PDE11A: variants seen among roughly 807,000 people sequenced by gnomAD.
PDE11A encodes the protein dual 3',5'-cyclic-AMP and -GMP phosphodiesterase 11A.
PDE11A carries 100 observed loss-of-function variants against 100.5 expected under a neutral mutation model. The ratio of observed to expected loss-of-function variants is 1.00; its 90% CI spans 0.85 to 1.18. PDE11A has a LOEUF of 1.18. Ranked by LOEUF, PDE11A falls within the 50% of genes most tolerant of loss-of-function variation. PDE11A has a pLI of 0.00. For missense variants in PDE11A, 1,141 were observed against 1,152.6 expected (o/e 0.99, Z 0.15); for synonymous variants, 381 against 420.8 (o/e 0.91, Z 1.16).
At chr2:178,044,076 T>C (rs1484365789) in intron 1 of PDE11A, among the ~76,000 whole-genome samples, 2 of 152,162 alleles carry the variant, frequency 1.3e-5, no homozygotes, top group Non-Finnish European at 2.9e-5. Context: ...ATTCTTCTTG[T>C]GACCAGTTCA....
At chr2:177,886,976 G>A (rs571720601) in intron 4 of PDE11A, among the ~76,000 whole-genome samples, 5 of 152,268 alleles carry the variant, frequency 3.3e-5, no homozygotes, top group Admixed American at 6.5e-5. Context: ...AGTGATGGTC[G>A]GAATTTCAGC....
chr2:177,988,443 T>C (rs1387348702), intron 2 of PDE11A, among the ~76,000 whole-genome samples: 1 of 152,206 alleles, frequency 6.6e-6, no homozygotes, highest in Non-Finnish European at 1.5e-5. Context: ...CCAAATTGTG[T>C]AGAGGTAAAG....
chr2:177,954,149 TC>T (rs1244990326), intron 2 of PDE11A, among the ~76,000 whole-genome samples: 1 of 151,956 alleles, frequency 6.6e-6, no homozygotes, highest in Non-Finnish European at 1.5e-5. Flanking sequence ...CTATAATGCT[TC>T]CCTGTTTCCT....
At chr2:177,701,910 T>C (rs2081203275) in intron 13 of PDE11A, among the ~76,000 whole-genome samples, 1 of 152,180 alleles carries the variant, frequency 6.6e-6, no homozygotes, top group South Asian at 2.1e-4. Context: ...CTTTGGACGG[T>C]TACTTGGCCT....
At chr2:177,985,011 A>G (rs1032217164) in intron 2 of PDE11A, among the ~76,000 whole-genome samples, 28 of 152,246 alleles carry the variant, frequency 1.8e-4, no homozygotes, top group African/African-American at 6.5e-4. Context: ...CCAGCAGTTC[A>G]TAAAGTAGAA....
chr2:177,782,251 A>G (rs975150406), intron 9 of PDE11A, among the ~76,000 whole-genome samples: 1 of 152,232 alleles, frequency 6.6e-6, no homozygotes, highest in African/African-American at 2.4e-5. Context: ...TATCTGGTGA[A>G]TTAAGATGAC....
At chr2:177,774,804 AT>A (rs1195596444) in intron 9 of PDE11A, among the ~76,000 whole-genome samples, 52 of 152,296 alleles carry the variant, frequency 3.4e-4, no homozygotes, top group African/African-American at 1.2e-3. Flanking sequence ...GATAGACAGA[AT>A]AATGCTCCCC....
chr2:177,657,049 T>C (rs1239568513), intron 19 of PDE11A, among the ~76,000 whole-genome samples: 2 of 152,174 alleles, frequency 1.3e-5, no homozygotes, highest in East Asian at 1.9e-4. Context: ...AGGGAGATGC[T>C]GTGATCAGAT....
At chr2:177,704,787 GT>G (rs910366404) in intron 13 of PDE11A, among the ~76,000 whole-genome samples, 21 of 152,268 alleles carry the variant, frequency 1.4e-4, no homozygotes, top group Non-Finnish European at 2.6e-4. Context: ...AAAATGCATT[GT>G]GATTTTGTGG....
At chr2:178,070,925 T>C (rs959157) in intron 1 of PDE11A, among the ~76,000 whole-genome samples, 52,095 of 152,078 alleles carry the variant, frequency 0.34, 10,720 homozygotes, top group East Asian at 0.55. Context: ...ACAGTTACGA[T>C]ACTAAGAAGG....
At chr2:177,989,272 T>C (rs2085975281) in intron 2 of PDE11A, among the ~76,000 whole-genome samples, 1 of 152,190 alleles carries the variant, frequency 6.6e-6, no homozygotes, top group Admixed American at 6.5e-5. Context: ...GGAATGCTGT[T>C]TCCTAAAGCA....
chr2:177,738,340 T>A (rs2081823513), intron 10 of PDE11A, among the ~76,000 whole-genome samples: 2 of 152,116 alleles, frequency 1.3e-5, no homozygotes, highest in African/African-American at 4.8e-5. Flanking sequence ...GAGTTTGTCA[T>A]GAATTTCCTG....
At chr2:177,978,930 GT>G (rs2085840297) in intron 2 of PDE11A, among the ~76,000 whole-genome samples, 2 of 120,326 alleles carry the variant, frequency 1.7e-5, no homozygotes, top group Admixed American at 1.7e-4. Context: ...CTGTGGTGGG[GT>G]CGGGGGGAGG....
At chr2:178,053,926 C>T (rs927089709) in intron 1 of PDE11A, among the ~76,000 whole-genome samples, 5 of 152,094 alleles carry the variant, frequency 3.3e-5, no homozygotes, top group Admixed American at 1.3e-4. Flanking sequence ...ACGAAAATGG[C>T]CATACTGCCC....
At chr2:178,043,847 G>A (rs192577099) in intron 1 of PDE11A, among the ~76,000 whole-genome samples, 11 of 152,332 alleles carry the variant, frequency 7.2e-5, no homozygotes, top group Admixed American at 2.0e-4. Flanking sequence ...ACCAATAACT[G>A]AGCCAGGATG....
chr2:178,021,715 C>G (rs2086414416), intron 1 of PDE11A, among the ~76,000 whole-genome samples: 1 of 152,148 alleles, frequency 6.6e-6, no homozygotes, highest in South Asian at 2.1e-4. Context: ...AGTCTAAGGT[C>G]AGACAATATC....
At chr2:177,752,114 T>C (rs1156478017) in intron 10 of PDE11A, among the ~76,000 whole-genome samples, 1 of 152,200 alleles carries the variant, frequency 6.6e-6, no homozygotes, top group African/African-American at 2.4e-5. Flanking sequence ...CAGTGACCTG[T>C]TGAGAGCTCA....
chr2:177,872,335 C>G (rs897474847), intron 5 of PDE11A, among the ~76,000 whole-genome samples: 3 of 152,164 alleles, frequency 2.0e-5, no homozygotes. Flanking sequence ...TAGTGAGAAT[C>G]CTGTCACTAG....
intron 2 of PDE11A, among the ~76,000 whole-genome samples, chr2:177,970,591 C>A (rs1191501982): frequency 6.6e-6 from 1 of 151,884 alleles, no homozygotes; most frequent in Non-Finnish European, 1.5e-5. Flanking sequence ...ATTTGAGAAG[C>A]AAGCAGAAGA....
Sources: gnomAD v4.1 joint callset for allele counts (sites outside exome capture counted in the v4.1 genomes callset) on GRCh38, gnomAD v4.1.1 for gene constraint, MANE v1.5 for transcripts, NCBI Gene and HGNC (gene_info 2026-07-23, HGNC 2026-07-21) for gene names.